Variants in UNC79 observed in about 807,000 individuals in gnomAD.
The protein encoded by UNC79 is protein unc-79 homolog.
UNC79 carries 37 observed loss-of-function variants against 283.1 expected under a neutral mutation model. That is an observed-to-expected ratio of 0.13 (90% CI 0.10 to 0.17). UNC79 has a LOEUF of 0.17. Ranked by LOEUF, UNC79 falls within the 10% of genes least tolerant of loss-of-function variation. UNC79 has a pLI of 1.00. For synonymous variants in UNC79, 1,107 were observed against 1,200.2 expected, an observed-to-expected ratio of 0.92 and a Z score of 1.61; for missense variants, 2,272 against 3,211.1, an observed-to-expected ratio of 0.71 and a Z score of 7.07.
intron 39 of UNC79, 50 bp from the exon 43 acceptor site, chr14:93,662,554 G>T: frequency 8.1e-7 from 1 of 1,241,134 alleles, no homozygotes; most frequent in African/African-American, 1.5e-5. Flanking sequence ...TACTTTTTTT[G>T]AAATGAAGTA....
intron 1 of UNC79, among the ~76,000 whole-genome samples, chr14:93,361,674 T>A (rs2054230502): frequency 6.6e-6 from 1 of 152,188 alleles, no homozygotes; most frequent in Non-Finnish European, 1.5e-5. Context: ...CCTTTTTGGA[T>A]GCCTTTTATT....
chr14:93,628,732 A>G (rs1418501398), intron 30 of UNC79, among the ~76,000 whole-genome samples: 1 of 152,222 alleles, frequency 6.6e-6, no homozygotes, highest in Non-Finnish European at 1.5e-5. Flanking sequence ...AGCCAAGTGG[A>G]TAGCTCTATT....
At chr14:93,356,889 T>C (rs544700480) in intron 1 of UNC79, among the ~76,000 whole-genome samples, 1 of 152,204 alleles carries the variant, frequency 6.6e-6, no homozygotes, top group Non-Finnish European at 1.5e-5. Context: ...TGGGGGTACA[T>C]GTGCAGATTT....
At position 93,540,851 on chromosome 14, in the gene UNC79, T is replaced by C; in HGVS notation, c.1524+20T>C. On this transcript the variant is annotated intron_variant, in intron 13 of 48. Coordinates refer to ENST00000555664, the Ensembl canonical transcript of UNC79. ...TTCTTAGTAAGAAAAAGAAGTTAAC[T>C]ATTCTCCACTTTCTTATTTCTCATT... is the stretch of plus-strand genomic sequence containing the variant. 6.2e-7 allele frequency: 1 copy of C among 1,609,150 alleles called. No individual in the cohort carries two copies. Among genetic ancestry groups the C allele is most frequent in the Non-Finnish European group, 8.5e-7 (1 of 1,179,230 alleles).
At chr14:93,588,595 G>A (rs111782236) in intron 22 of UNC79, among the ~76,000 whole-genome samples, 11 of 151,902 alleles carry the variant, frequency 7.2e-5, no homozygotes, top group African/African-American at 2.7e-4. Flanking sequence ...AGAAAAATTA[G>A]CTGGGCGTGG....
chr14:93,496,037 G>A (rs978520356), intron 5 of UNC79, among the ~76,000 whole-genome samples: 3 of 152,058 alleles, frequency 2.0e-5, no homozygotes, highest in Admixed American at 6.6e-5. Flanking sequence ...CTCTTTCTAC[G>A]GTATCTAGCA....
intron 5 of UNC79, among the ~76,000 whole-genome samples, chr14:93,490,886 C>G (rs2058691339): frequency 6.6e-6 from 1 of 152,190 alleles, no homozygotes; most frequent in South Asian, 2.1e-4. Flanking sequence ...ACATTTTTAG[C>G]TGTTTGTTAC....
chr14:93,581,933 G>A (rs1197362656), intron 19 of UNC79, among the ~76,000 whole-genome samples: 1 of 152,190 alleles, frequency 6.6e-6, no homozygotes, highest in Non-Finnish European at 1.5e-5. Context: ...TGAGAAAGCA[G>A]GCCTAGGAAG....
At chr14:93,582,009 C>T (rs1392520474) in intron 19 of UNC79, among the ~76,000 whole-genome samples, 194 bp from the exon 20 acceptor site, 2 of 152,178 alleles carry the variant, frequency 1.3e-5, no homozygotes, top group African/African-American at 2.4e-5. Flanking sequence ...TCAGCAATAG[C>T]GGATAGAGAT....
intron 8 of UNC79, among the ~76,000 whole-genome samples, chr14:93,526,020 AC>A (rs2141006679): frequency 6.6e-6 from 1 of 152,310 alleles, no homozygotes; most frequent in South Asian, 2.1e-4. Flanking sequence ...CACATAATGA[AC>A]AATGAATTAT....
Position 93,690,538 on chromosome 14 carries a change from G to A in UNC79, c.7272+235G>A, listed in dbSNP as rs2074602881. ...TACTTTTATAAAGATAAATCATGGA[G>A]TCAAGCAAGAGTTGGCTTCCCAGGC... is the stretch of plus-strand genomic sequence containing the variant. On this transcript the variant is annotated intron_variant, in intron 45 of 48. Coordinates refer to ENST00000555664, the Ensembl canonical transcript of UNC79. This position sits in a 1 kb window ranked among gnomAD's most constrained non-coding sequence, Gnocchi z 4.3. The A allele has an allele frequency of 2.3e-6, 1 of 439,074 alleles. No homozygotes were observed. The highest frequency in any genetic ancestry group is 2.0e-5 in the African/African-American group (1 of 49,372). 27.2% of individuals were successfully genotyped at this position (439,074 alleles called of 1,614,324 possible).
chr14:93,357,768 TGG>T lies in UNC79; in HGVS notation c.-351+24246_-351+24247del, dbSNP rs1358583166. ...ATATGGATATATGGATATATATATA[TGG>T]ATATGTGGATATATGGATATATATA... On this transcript the variant is annotated intron_variant, in intron 1 of 49. Transcript: ENST00000256339. Among the ~76,000 whole-genome samples the T allele has an allele frequency of 9.3e-4, 86 of 92,246 alleles. 1 individual carries two copies. The highest frequency in any genetic ancestry group is 3.5e-3 in the African/African-American group (60 of 17,024). The allele number at this position is 92,246 out of a possible 152,430, so 60.5% of individuals were successfully genotyped here. A position where few individuals can be genotyped will look rare whatever the true frequency, so the allele number is the denominator to read the frequency against.
chr14:93,364,791 T>TC (rs1352769291), intron 1 of UNC79, among the ~76,000 whole-genome samples: 2 of 151,758 alleles, frequency 1.3e-5, no homozygotes, highest in Non-Finnish European at 2.9e-5. Flanking sequence ...GTCCTGGGAT[T>TC]TTTTTCCAGG....
intron 39 of UNC79, among the ~76,000 whole-genome samples, chr14:93,662,042 C>T (rs1324066796): frequency 6.6e-6 from 1 of 152,122 alleles, no homozygotes; most frequent in Non-Finnish European, 1.5e-5. Context: ...CTTAAGAAAG[C>T]ATATGGAACT....
At chr14:93,562,933 C>T (rs1054221520) in intron 14 of UNC79, among the ~76,000 whole-genome samples, 1 of 152,152 alleles carries the variant, frequency 6.6e-6, no homozygotes. Context: ...GGGGTCTGAA[C>T]AATCCCTGAG....
Position 93,621,772 on chromosome 14 carries a change from A to G in UNC79, c.4539A>G (p.Thr1513=), listed in dbSNP as rs2067157300. 6.2e-7 allele frequency: 1 copy of G among 1,614,026 alleles called. No homozygotes were observed. The highest frequency in any genetic ancestry group is 1.1e-5 in the South Asian group (1 of 91,084). Residue 1513 remains threonine, a synonymous_variant, in exon 30 of 49, where the codon ACA becomes ACG. Transcript: ENST00000555664. The surrounding 1 kb of genome is among the most constrained non-coding windows in gnomAD (Gnocchi z 4.8). ...GGAATGCAGACTCGCTTTTGTTTAC[A>G]TTAGACGAACATCGTAGGAAGTCGT... is the stretch of plus-strand genomic sequence containing the variant.
At chr14:93,424,508 C>G (rs2055679896) in intron 1 of UNC79, among the ~76,000 whole-genome samples, 1 of 152,052 alleles carries the variant, frequency 6.6e-6, no homozygotes, top group African/African-American at 2.4e-5. Context: ...TACATATACA[C>G]AAGAGAGTAC....
chr14:93,598,868 T>C (rs2065283490), intron 24 of UNC79, among the ~76,000 whole-genome samples: 1 of 152,218 alleles, frequency 6.6e-6, no homozygotes, highest in Non-Finnish European at 1.5e-5. Context: ...AAGGTAAATA[T>C]GCTACCATAA....
intron 1 of UNC79, chr14:93,464,476 G>A: frequency 2.2e-6 from 1 of 455,036 alleles, no homozygotes; most frequent in Admixed American, 2.4e-5. Context: ...CACGGAAACG[G>A]CCTCATTTTA....
Sources: allele counts gnomAD v4.1 joint callset (sites outside exome capture counted in the v4.1 genomes callset), GRCh38; gene constraint gnomAD v4.1.1; non-coding constraint Gnocchi (gnomAD v3.1); transcripts MANE v1.5; gene names NCBI Gene and HGNC (gene_info 2026-07-23, HGNC 2026-07-21).